PLXDC2: variants seen among roughly 807,000 people sequenced by gnomAD.
PLXDC2 encodes plexin domain containing 2.
Under a neutral mutation model 68.9 loss-of-function variants are expected in PLXDC2, and 40 were observed. The observed-to-expected ratio is 0.58, with a 90% confidence interval of 0.45 to 0.76. The LOEUF is 0.76. Among genes scored for constraint, PLXDC2 ranks in the 30% least tolerant of loss-of-function variants. The pLI, the probability that PLXDC2 is intolerant of heterozygous loss-of-function variation, is 0.00. For synonymous variants in PLXDC2, 243 were observed against 234.2 expected, an observed-to-expected ratio of 1.04 and a Z score of -0.34; for missense variants, 644 against 661.9, an observed-to-expected ratio of 0.97 and a Z score of 0.30.
At chr10:20,098,357 A>ATGTGTGTGTGTGTGTGTGTG (rs35209594) in intron 4 of PLXDC2, among the ~76,000 whole-genome samples, 2,759 of 145,408 alleles carry the variant, frequency 0.019, 63 homozygotes, top group South Asian at 0.065. Flanking sequence ...GTGTGTGTGT[A>ATGTGTGTGTGTGTGTGTGTG]TGTGTGTGTG....
Position 20,125,970 on chromosome 10 carries a change from T to C in PLXDC2, c.542-17325T>C, listed in dbSNP as rs906966380. On this transcript the variant is annotated intron_variant, in intron 4 of 13. Coordinates refer to ENST00000377252, the MANE Select transcript of PLXDC2 (RefSeq NM_032812.9). ...TATATATAATATTTACAATAATACA[T>C]ATTTTATATGTGCTATACATACACA... is the stretch of plus-strand genomic sequence containing the variant. 2.8e-4 allele frequency among the ~76,000 whole-genome samples: 41 copies of C among 148,612 alleles called. 2 individuals carry two copies. Among genetic ancestry groups the C allele is most frequent in the Non-Finnish European group, 4.5e-5 (3 of 67,306 alleles).
chr10:20,268,763 C>G (rs2119376961), intron 13 of PLXDC2, among the ~76,000 whole-genome samples: 1 of 152,236 alleles, frequency 6.6e-6, no homozygotes, highest in East Asian at 1.9e-4. Context: ...GCAGCACTAA[C>G]TCACATTCAA....
chr10:19,853,659 G>C (rs1167014300), intron 1 of PLXDC2, among the ~76,000 whole-genome samples: 1 of 143,908 alleles, frequency 6.9e-6, no homozygotes, highest in Non-Finnish European at 1.5e-5. Flanking sequence ...GGGTGGGGGG[G>C]GGGTTGCAAT....
Position 20,284,330 on chromosome 10 carries a change from T to TATATATATATATATATACACAC in PLXDC2, c.*4512_*4513insTATATATATATATATACACACA, listed in dbSNP as rs1484131963. The TATATATATATATATATACACAC allele has an allele frequency of 5.5e-5, 7 of 126,336 alleles. No homozygotes were observed. Among genetic ancestry groups the TATATATATATATATATACACAC allele is most frequent in the African/African-American group, 1.5e-4 (5 of 34,314 alleles). 7.8% of individuals were successfully genotyped at this position (126,336 alleles called of 1,614,324 possible). A position where few individuals can be genotyped will look rare whatever the true frequency, so the allele number is the denominator to read the frequency against. On this transcript the variant is annotated 3_prime_UTR_variant, in exon 14 of 14. Coordinates refer to ENST00000377252, the MANE Select transcript of PLXDC2 (RefSeq NM_032812.9). ...AAATATACATATATATATATATATATACACACACACACACACACACACAAA... is the reference window on the plus strand; with the variant it reads ...AAATATACATATATATATATATATATATATATATATATATATACACACACACACACACACACACACACACAAA...
intron 4 of PLXDC2, among the ~76,000 whole-genome samples, chr10:20,128,338 C>T (rs1368439027): frequency 1.3e-5 from 2 of 152,068 alleles, no homozygotes; most frequent in East Asian, 1.9e-4. Flanking sequence ...TTTTTATTTT[C>T]TTGAGGTATT....
rs556491756 is a variant in PLXDC2 at position 19,836,904 on chromosome 10, C to G, written c.112+19713C>G. The stretch of plus-strand genomic sequence containing the variant: ...AATTTTTGTGGTGATTAAAATAGTC[C>G]CTTGCACATATTAGGTACTCAGTAA... On this transcript the variant is annotated intron_variant, in intron 1 of 13. Coordinates refer to ENST00000377252, the MANE Select transcript of PLXDC2 (RefSeq NM_032812.9). Among the ~76,000 whole-genome samples, 3 of 152,102 alleles carry G rather than the reference C, an allele frequency of 2.0e-5. No individual in the cohort carries two copies. The South Asian group carries it at 6.2e-4, about 32-fold the overall frequency.
At chr10:20,222,194 T>C (rs969655786) in intron 12 of PLXDC2, among the ~76,000 whole-genome samples, 1 of 152,206 alleles carries the variant, frequency 6.6e-6, no homozygotes, top group East Asian at 1.9e-4. Context: ...ATTGTCTTTC[T>C]TGGTTATTGC....
At chr10:20,113,049 G>A (rs1833578448) in intron 4 of PLXDC2, among the ~76,000 whole-genome samples, 1 of 152,246 alleles carries the variant, frequency 6.6e-6, no homozygotes, top group East Asian at 1.9e-4. Context: ...GGTTAGTTTA[G>A]CAGGTAGTCC....
intron 2 of PLXDC2, among the ~76,000 whole-genome samples, chr10:20,011,052 A>C (rs1387059418): frequency 6.6e-6 from 1 of 152,230 alleles, no homozygotes; most frequent in East Asian, 1.9e-4. Flanking sequence ...TATTATTTTC[A>C]ATATGAAAAT....
intron 2 of PLXDC2, among the ~76,000 whole-genome samples, chr10:20,042,444 C>G (rs115914173): frequency 2.0e-5 from 3 of 152,022 alleles, no homozygotes; most frequent in East Asian, 1.9e-4. Flanking sequence ...TATAATCTTC[C>G]TTTATTAATT....
chr10:20,247,309 AAAG>A (rs1835611463), intron 13 of PLXDC2, among the ~76,000 whole-genome samples: 1 of 151,410 alleles, frequency 6.6e-6, no homozygotes, highest in African/African-American at 2.4e-5. Context: ...AAAAAAAAAA[AAAG>A]AAAAAAAGAA....
intron 1 of PLXDC2, among the ~76,000 whole-genome samples, chr10:19,969,337 CTG>C (rs147612415): frequency 1.6e-3 from 239 of 152,302 alleles, no homozygotes; most frequent in African/African-American, 5.4e-3. Flanking sequence ...GAAAACCAAA[CTG>C]TGATTTGAAC....
chr10:20,245,967 A>C (rs1835589489), intron 13 of PLXDC2, among the ~76,000 whole-genome samples: 1 of 152,226 alleles, frequency 6.6e-6, no homozygotes, highest in African/African-American at 2.4e-5. Flanking sequence ...TTTGGAAAAA[A>C]TATGGTTTTC....
intron 6 of PLXDC2, among the ~76,000 whole-genome samples, chr10:20,155,352 C>A (rs1834203812): frequency 6.6e-6 from 1 of 152,136 alleles, no homozygotes; most frequent in Non-Finnish European, 1.5e-5. Flanking sequence ...GAGACCACCA[C>A]CATTTAGATA....
At chr10:19,819,635 A>G (rs1210873055) in intron 1 of PLXDC2, among the ~76,000 whole-genome samples, 1 of 152,226 alleles carries the variant, frequency 6.6e-6, no homozygotes, top group Non-Finnish European at 1.5e-5. Context: ...CATTGCCACC[A>G]GAGGGCAGAT....
At chr10:19,998,837 C>T (rs887539503) in intron 1 of PLXDC2, among the ~76,000 whole-genome samples, 1 of 152,048 alleles carries the variant, frequency 6.6e-6, no homozygotes, top group East Asian at 1.9e-4. Context: ...CCTCAGCTGT[C>T]TAGAGACCAA....
At chr10:19,867,285 A>G (rs1381871671) in intron 1 of PLXDC2, among the ~76,000 whole-genome samples, 1 of 151,980 alleles carries the variant, frequency 6.6e-6, no homozygotes, top group Non-Finnish European at 1.5e-5. Flanking sequence ...GCCTGGTTTC[A>G]AACTCCTGAC....
At chr10:19,898,683 G>T (rs79384592) in intron 1 of PLXDC2, among the ~76,000 whole-genome samples, 10,456 of 152,170 alleles carry the variant, frequency 0.069, 821 homozygotes, top group African/African-American at 0.19. Flanking sequence ...ATCAGTGGAA[G>T]TTGAGACCTG....
At chr10:20,085,101 G>T (rs1833172869) in intron 4 of PLXDC2, among the ~76,000 whole-genome samples, 1 of 151,528 alleles carries the variant, frequency 6.6e-6, no homozygotes, top group Non-Finnish European at 1.5e-5. Context: ...TTTGTCCAAT[G>T]GTACCTTCTA....
Sources: allele counts gnomAD v4.1 joint callset (sites outside exome capture counted in the v4.1 genomes callset), GRCh38; gene constraint gnomAD v4.1.1; transcripts MANE v1.5; gene names NCBI Gene and HGNC (gene_info 2026-07-23, HGNC 2026-07-21).